PER3: variants seen among roughly 807,000 people sequenced by gnomAD.
PER3 encodes the protein period circadian regulator 3, also known as period circadian protein homolog 3.
PER3 carries 107 observed loss-of-function variants against 127.2 expected under a neutral mutation model. The observed-to-expected ratio is 0.84, with a 90% CI of 0.72 to 0.99. PER3 has a LOEUF of 0.99. Among genes scored for constraint, PER3 ranks in the 50% least tolerant of loss-of-function variants. The probability of loss-of-function intolerance (pLI) is 0.00; values close to 1 mark genes in which losing one functional copy is unlikely to be tolerated. For missense variants in PER3, 1,560 were observed against 1,525.8 expected (o/e 1.02, Z -0.37); for synonymous variants, 618 against 585.8 (o/e 1.05, Z -0.79).
At chr1:7,832,718 A>AT (rs60846262) in intron 19 of PER3, among the ~76,000 whole-genome samples, 1 of 150,302 alleles carries the variant, frequency 6.7e-6, no homozygotes, top group Non-Finnish European at 1.5e-5. Flanking sequence ...TTTGGATTTT[A>AT]TTTTTTTTTT....
At position 7,815,971 on chromosome 1, in the gene PER3, C is replaced by T. The variant is rs917675126; in HGVS notation, c.1523-3314C>T. ...TCCCACCACTGCACTCCAGCCTGGG[C>T]GACAGAGCGGACTCCGTCTCAAAAA... On this transcript the variant is annotated intron_variant, in intron 13 of 21. Transcript: ENST00000377532. Among the ~76,000 whole-genome samples the T allele has an allele frequency of 1.2e-4, 13 of 107,470 alleles. 1 individual carries two copies. Among genetic ancestry groups the T allele is most frequent in the Middle Eastern group, 7.8e-3 (1 of 128 alleles). 70.5% of individuals were successfully genotyped at this position (107,470 alleles called of 152,430 possible).
At chr1:7,793,000 A>G (rs2097128887) in intron 5 of PER3, among the ~76,000 whole-genome samples, 1 of 152,168 alleles carries the variant, frequency 6.6e-6, no homozygotes, top group African/African-American at 2.4e-5. Flanking sequence ...GATTATACCA[A>G]TCTTCAGTGC....
intron 5 of PER3, among the ~76,000 whole-genome samples, chr1:7,789,918 T>C (rs1290998180): frequency 6.6e-6 from 1 of 152,240 alleles, no homozygotes; most frequent in Non-Finnish European, 1.5e-5. Context: ...TCCCCTTTCC[T>C]AAATACACAT....
chr1:7,835,268 T>G lies in PER3; in HGVS notation c.3215-494T>G, dbSNP rs1398627802. Among the ~76,000 whole-genome samples, 5 of 152,306 alleles carry G rather than the reference T, an allele frequency of 3.3e-5. 1 individual carries two copies. On this transcript the variant is annotated intron_variant, in intron 19 of 21. Transcript: ENST00000377532. ...GTTATATGTGACTTTCTGTATGTAT[T>G]TGGCGACTTGGGTTTAGGTAAGAAC...
Position 7,826,549 on chromosome 1 carries a change from A to C in PER3, c.2027A>C (p.Glu676Ala). 1 of 1,614,116 alleles carries C rather than the reference A, an allele frequency of 6.2e-7. No individual in the cohort carries two copies. Among genetic ancestry groups the C allele is most frequent in the East Asian group, 2.2e-5 (1 of 44,878 alleles). ...CAGCCAGCCCCTTTGACCTCGGAAG[A>C]ATTTAAACACGTGGGGCTCACAGCG... is the stretch of plus-strand genomic sequence containing the variant. ...NMQPAPLTSE[E>A]FKHVGLTAAV... is the part of the protein sequence containing the mutation. Residue 676 changes from glutamate (E) to alanine (A), a missense_variant, in exon 17 of 22, where the codon GAA (glutamate) becomes GCA (alanine). By Grantham distance (107) the Glu-to-Ala change is moderately radical (BLOSUM62 -1). Coordinates refer to ENST00000377532, the MANE Select transcript of PER3 (RefSeq NM_001377275.1). This position sits in a 1 kb window ranked among gnomAD's most constrained non-coding sequence, Gnocchi z 4.2.
Position 7,788,172 on chromosome 1 carries a change from C to T in PER3, c.518C>T (p.Pro173Leu). 6.2e-7 allele frequency: 1 copy of T among 1,613,992 alleles called. No homozygotes were observed. Among genetic ancestry groups the T allele is most frequent in the Non-Finnish European group, 8.5e-7 (1 of 1,179,944 alleles). Residue 173 changes from proline to leucine, a missense_variant, in exon 5 of 22, where the codon CCT becomes CTT. Transcript: ENST00000377532. Reference sequence around the variant, plus strand: ...TCTCACTTTGTTGACCTGCTTGCACCTCAAGACATGAGGGTATTCTACGCG... The same window carrying T: ...TCTCACTTTGTTGACCTGCTTGCACTTCAAGACATGAGGGTATTCTACGCG... ...ASSHFVDLLA[P>L]QDMRVFYAHT...
chr1:7,801,097 G>T lies in PER3; in HGVS notation c.794-16G>T, dbSNP rs200051705. 2.3e-5 allele frequency: 29 copies of T among 1,276,774 alleles called. No homozygotes were observed. The highest frequency in any genetic ancestry group is 2.0e-4 in the Middle Eastern group (1 of 5,076). The allele number at this position is 1,276,774 out of a possible 1,614,324, so 79.1% of individuals were successfully genotyped here. Reference sequence around the variant, plus strand: ...GATATTTGCCTTTAAATGGGTCTTTGTTTTTTTTTCCTTAGCTCCTCGGAT... The same window carrying T: ...GATATTTGCCTTTAAATGGGTCTTTTTTTTTTTTTCCTTAGCTCCTCGGAT... On this transcript the variant is annotated splice_polypyrimidine_tract_variant and intron_variant, in intron 7 of 21. Transcript: ENST00000377532.
intron 16 of PER3, among the ~76,000 whole-genome samples, chr1:7,822,079 C>A (rs566916949): frequency 3.3e-5 from 5 of 152,066 alleles, no homozygotes; most frequent in Non-Finnish European, 1.5e-5. Flanking sequence ...GTTGCCATTA[C>A]AGATACTTTG....
intron 8 of PER3, among the ~76,000 whole-genome samples, chr1:7,802,510 C>G (rs2097174942): frequency 6.6e-6 from 1 of 152,210 alleles, no homozygotes; most frequent in South Asian, 2.1e-4. Flanking sequence ...GGCAGTCTGC[C>G]CGCCTCAGCC....
Position 7,844,123 on chromosome 1 carries a change from C to T in PER3, c.*1368C>T, listed in dbSNP as rs373472769. Reference sequence around the variant, plus strand: ...GAAGTTTTACAGCTTTTTGTAAATGCGTCCTGATAATGATTAGGAAAATCG... The same window carrying T: ...GAAGTTTTACAGCTTTTTGTAAATGTGTCCTGATAATGATTAGGAAAATCG... On this transcript the variant is annotated 3_prime_UTR_variant, in exon 22 of 22. Transcript: ENST00000377532. 1.6e-4 allele frequency: 47 copies of T among 298,882 alleles called. No individual in the cohort carries two copies. The highest frequency in any genetic ancestry group is 6.2e-4 in the African/African-American group (27 of 43,634). 18.5% of individuals were successfully genotyped at this position (298,882 alleles called of 1,614,324 possible). A position where few individuals can be genotyped will look rare whatever the true frequency, so the allele number is the denominator to read the frequency against.
In PER3 at chr1:7,827,199, A is replaced by G. The variant is rs1440448757; in HGVS notation, c.2270A>G (p.Asp757Gly). The change falls in exon 18 of 22, where the codon GAC becomes GGC. Residue 757 changes from aspartate to glycine, a missense_variant. Around this residue, in one of 3 missense-constraint regions of PER3, gnomAD observed 1,332 missense variants for 1,223.6 expected, o/e 1.09. Transcript: ENST00000377532. ...CGGAAGAAGCTGCCGGAGCCGCCAGACAGCAGCAGCTCGAACACCGGCTCT... is the reference window on the plus strand; with the variant it reads ...CGGAAGAAGCTGCCGGAGCCGCCAGGCAGCAGCAGCTCGAACACCGGCTCT... ...HKRKKLPEPP[D>G]SSSSNTGSGP... 1.2e-6 allele frequency: 2 copies of G among 1,613,610 alleles called. No individual in the cohort carries two copies. Among genetic ancestry groups the G allele is most frequent in the South Asian group, 1.1e-5 (1 of 91,062 alleles).
At chr1:7,790,108 A>G (rs2097112279) in intron 5 of PER3, among the ~76,000 whole-genome samples, 1 of 152,178 alleles carries the variant, frequency 6.6e-6, no homozygotes, top group Non-Finnish European at 1.5e-5. Flanking sequence ...TTCCTTCAGC[A>G]CTGCCTGTGG....
chr1:7,830,320 C>T (rs947309600), intron 19 of PER3, among the ~76,000 whole-genome samples, 159 bp downstream of exon 19: 7 of 151,966 alleles, frequency 4.6e-5, no homozygotes, highest in African/African-American at 1.5e-4. Flanking sequence ...TATATTTATA[C>T]ACAATAAAAT....
chr1:7,813,332 C>T (rs1276227408), intron 13 of PER3, among the ~76,000 whole-genome samples: 2 of 152,132 alleles, frequency 1.3e-5, no homozygotes, highest in Admixed American at 1.3e-4. Flanking sequence ...AACAGCATCA[C>T]CCCAGACTTA....
At chr1:7,795,327 G>T (rs2097140416) in intron 6 of PER3, among the ~76,000 whole-genome samples, 1 of 152,236 alleles carries the variant, frequency 6.6e-6, no homozygotes, top group African/African-American at 2.4e-5. Context: ...ATTCTGTGAG[G>T]AGGAGACCAA....
rs143593748 is a variant in PER3, at chr1:7,835,872, G to A, written c.3325G>A (p.Ala1109Thr). ...VQKKETFPNV[A>T]EEPIWRMIRQ... ...GAAAAAAGAAACATTTCCTAATGTC[G>A]CCGAAGAGCCCATCTGGAGAATGAT... Residue 1109 changes from alanine to threonine, a missense_variant, in exon 20 of 22, where the codon GCC becomes ACC. Physicochemically the swap from Ala to Thr is moderately conservative, Grantham distance 58. Transcript: ENST00000377532. 42 of 1,611,036 alleles carry A rather than the reference G, an allele frequency of 2.6e-5. No homozygotes were observed. The highest frequency in any genetic ancestry group is 1.6e-4 in the African/African-American group (12 of 74,862).
intron 5 of PER3, among the ~76,000 whole-genome samples, chr1:7,789,309 C>T (rs947297686): frequency 1.4e-4 from 22 of 152,184 alleles, no homozygotes; most frequent in South Asian, 1.0e-3. Flanking sequence ...TCCCATGTGT[C>T]GTGGGAGGAA....
intron 13 of PER3, among the ~76,000 whole-genome samples, chr1:7,816,715 T>C (rs2150976275): frequency 6.6e-6 from 1 of 152,332 alleles, no homozygotes; most frequent in South Asian, 2.1e-4. Context: ...CACTCACCTA[T>C]TGTTGGAGGT....
Position 7,808,358 on chromosome 1 carries a change from G to GTA in PER3, c.1137-533_1137-532dup, listed in dbSNP as rs528639204. 1.2e-3 allele frequency among the ~76,000 whole-genome samples: 175 copies of GTA among 151,622 alleles called. 1 individual carries two copies. The highest frequency in any genetic ancestry group is 3.9e-3 in the African/African-American group (162 of 41,388). The stretch of plus-strand genomic sequence containing the variant: ...TCTGTTGGCATGTGTGCCATTCACT[G>GTA]TATTCAGGTCATAGATTGAAGATGC... On this transcript the variant is annotated intron_variant, in intron 10 of 21. Coordinates refer to ENST00000377532, the MANE Select transcript of PER3 (RefSeq NM_001377275.1).
Sources: gnomAD v4.1 joint callset for allele counts (sites outside exome capture counted in the v4.1 genomes callset) on GRCh38, gnomAD v4.1.1 for gene constraint, gnomAD v4.1.1 regional missense constraint, Gnocchi (gnomAD v3.1) non-coding constraint, MANE v1.5 for transcripts, NCBI Gene and HGNC (gene_info 2026-07-23, HGNC 2026-07-21) for gene names.